Variants in BICC1 observed in about 807,000 individuals in gnomAD.
BICC1 encodes the protein protein bicaudal C homolog 1.
BICC1 carries 43 observed loss-of-function variants against 111.0 expected under a neutral mutation model. The observed-to-expected ratio is 0.39, with a 90% CI of 0.30 to 0.50. The LOEUF (loss-of-function observed/expected upper bound fraction) is 0.50. Among genes scored for constraint, BICC1 ranks in the 20% least tolerant of loss-of-function variants. The pLI, the probability that BICC1 is intolerant of heterozygous loss-of-function variation, is 0.88. For missense variants in BICC1, 1,091 were observed against 1,203.2 expected, an observed-to-expected ratio of 0.91 and a Z score of 1.38; for synonymous variants, 467 against 434.4, an observed-to-expected ratio of 1.07 and a Z score of -0.93.
intron 1 of BICC1, among the ~76,000 whole-genome samples, chr10:58,550,418 CAGAGT>C (rs905820970): frequency 1.3e-5 from 2 of 152,162 alleles, no homozygotes; most frequent in Admixed American, 6.6e-5. Context: ...GTGTCTTTCA[CAGAGT>C]AGAGTTTGAA....
At chr10:58,801,137 C>T in intron 14 of BICC1, 91 bp downstream of exon 14, 1 of 1,122,308 alleles carries the variant, frequency 8.9e-7, no homozygotes, top group Non-Finnish European at 1.2e-6. Flanking sequence ...TGATTCAAGT[C>T]ATGTTTGATC....
chr10:58,721,174 C>T (rs1055017375), intron 3 of BICC1, among the ~76,000 whole-genome samples: 1 of 152,198 alleles, frequency 6.6e-6, no homozygotes, highest in African/African-American at 2.4e-5. Flanking sequence ...TTATTTATGT[C>T]TTTTCAGAAC....
chr10:58,753,718 CTCTT>C (rs796619516), intron 3 of BICC1, among the ~76,000 whole-genome samples: 8 of 152,050 alleles, frequency 5.3e-5, no homozygotes, highest in African/African-American at 1.9e-4. Flanking sequence ...TCTCTTTTCT[CTCTT>C]TCTTTTTCTT....
intron 3 of BICC1, among the ~76,000 whole-genome samples, chr10:58,710,423 G>C (rs1840537369): frequency 6.6e-6 from 1 of 152,106 alleles, no homozygotes; most frequent in Non-Finnish European, 1.5e-5. Context: ...TAATGTCTCA[G>C]TCCTTGCAGA....
At chr10:58,792,780 G>A (rs1041967484) in intron 8 of BICC1, among the ~76,000 whole-genome samples, 4 of 152,120 alleles carry the variant, frequency 2.6e-5, no homozygotes, top group Non-Finnish European at 5.9e-5. Flanking sequence ...ATATTACAAT[G>A]TGATAATAAT....
intron 1 of BICC1, among the ~76,000 whole-genome samples, chr10:58,608,569 C>T (rs1433736555): frequency 6.6e-6 from 1 of 152,150 alleles, no homozygotes; most frequent in East Asian, 1.9e-4. Flanking sequence ...AATTCCTGTG[C>T]TTAATCATCT....
upstream of BICC1, among the ~76,000 whole-genome samples, chr10:58,512,705 G>A (rs184392244): frequency 2.0e-5 from 3 of 152,086 alleles, no homozygotes; most frequent in East Asian, 3.9e-4. Flanking sequence ...GTGGCAGTGT[G>A]TACGTGGTGT....
At position 58,789,709 on chromosome 10, in the gene BICC1, C is replaced by G. The variant is rs778393440; in HGVS notation, c.823C>G (p.Leu275Val). 8.7e-6 allele frequency: 14 copies of G among 1,614,038 alleles called. No individual in the cohort carries two copies. The highest frequency in any genetic ancestry group is 1.2e-5 in the Non-Finnish European group (14 of 1,180,024). The change falls in exon 8 of 21, where the codon CTT becomes GTT. Residue 275 changes from leucine (L) to valine (V), a missense_variant. Leu to Val is a conservative substitution (Grantham distance 32). This residue lies in a region of BICC1 where 843 missense variants were observed against 900.8 expected (regional missense o/e 0.94). Transcript: ENST00000373886. ...KEGTAMLLEH[L>V]AGSLASAIPV... Reference sequence around the variant, plus strand: ...AGGAACTGCCATGCTGTTAGAACATCTTGCTGGGAGCTTAGCATCAGCTAT... The same window carrying G: ...AGGAACTGCCATGCTGTTAGAACATGTTGCTGGGAGCTTAGCATCAGCTAT...
chr10:58,534,355 GCC>G (rs1842771795), intron 1 of BICC1, among the ~76,000 whole-genome samples: 4 of 151,654 alleles, frequency 2.6e-5, no homozygotes, highest in African/African-American at 9.7e-5. Context: ...GTGGGCGGCA[GCC>G]TATACTGTGA....
chr10:58,828,687 G>C, intron 20 of BICC1, 74 bp from the exon 21 acceptor site: 2 of 1,476,126 alleles, frequency 1.4e-6, no homozygotes, highest in Non-Finnish European at 1.8e-6. Context: ...CATTTTCTGA[G>C]CTCTAGTGCC....
At chr10:58,534,350 C>T (rs180754605) in intron 1 of BICC1, among the ~76,000 whole-genome samples, 161 of 151,546 alleles carry the variant, frequency 1.1e-3, no homozygotes, top group African/African-American at 3.7e-3. Flanking sequence ...AAGCAGTGGG[C>T]GGCAGCCTAT....
chr10:58,817,251 T>C (rs1214768106), intron 18 of BICC1, among the ~76,000 whole-genome samples: 1 of 152,118 alleles, frequency 6.6e-6, no homozygotes, highest in Non-Finnish European at 1.5e-5. Context: ...ATCCAATCAA[T>C]TTTAAACAAC....
intron 3 of BICC1, among the ~76,000 whole-genome samples, chr10:58,737,414 C>T (rs559401392): frequency 9.2e-5 from 14 of 152,292 alleles, no homozygotes; most frequent in Admixed American, 8.5e-4. Context: ...CATGTCCCTG[C>T]AAAGCACATG....
chr10:58,571,555 A>G (rs1167355135), intron 1 of BICC1, among the ~76,000 whole-genome samples: 2 of 135,780 alleles, frequency 1.5e-5, no homozygotes, highest in African/African-American at 2.8e-5. Context: ...TGTTCTCATC[A>G]TTTAGCTTCC....
chr10:58,791,663 C>A (rs776543909), intron 8 of BICC1, among the ~76,000 whole-genome samples: 1 of 152,008 alleles, frequency 6.6e-6, no homozygotes, highest in Non-Finnish European at 1.5e-5. Context: ...TTGCTCAAAC[C>A]GCGGAGGTGG....
chr10:58,522,205 G>A (rs529778187), intron 1 of BICC1, among the ~76,000 whole-genome samples: 18 of 151,890 alleles, frequency 1.2e-4, no homozygotes, highest in African/African-American at 3.9e-4. Flanking sequence ...AATGCATTTG[G>A]TTTTCCTGCA....
chr10:58,757,115 T>C (rs1050458462), intron 3 of BICC1, among the ~76,000 whole-genome samples: 10 of 152,240 alleles, frequency 6.6e-5, no homozygotes, highest in Admixed American at 2.0e-4. Flanking sequence ...ACAGGACTTA[T>C]CGTGTAACCC....
At chr10:58,763,029 A>G (rs1842360171) in intron 3 of BICC1, among the ~76,000 whole-genome samples, 1 of 150,090 alleles carries the variant, frequency 6.7e-6, no homozygotes, top group Non-Finnish European at 1.5e-5. Flanking sequence ...CCTGTGATAT[A>G]TTGTTTTTGT....
chr10:58,686,222 G>T (rs1182908728), intron 2 of BICC1, among the ~76,000 whole-genome samples: 4 of 152,194 alleles, frequency 2.6e-5, no homozygotes, highest in Non-Finnish European at 4.4e-5. Context: ...TAGAGTTTCT[G>T]CCGAGAGATC....
Sources: gnomAD v4.1 joint callset for allele counts (sites outside exome capture counted in the v4.1 genomes callset) on GRCh38, gnomAD v4.1.1 for gene constraint, gnomAD v4.1.1 regional missense constraint, MANE v1.5 for transcripts, NCBI Gene and HGNC (gene_info 2026-07-23, HGNC 2026-07-21) for gene names.